The following HLCS variants were observed in gnomAD, a reference collection of about 807,000 sequenced individuals.
HLCS encodes holocarboxylase synthetase, also known as biotin--protein ligase.
In HLCS, 53 loss-of-function variants were observed where a neutral mutation model predicts 75.0. The ratio of observed to expected loss-of-function variants is 0.71; its 90% CI spans 0.57 to 0.89. The LOEUF (loss-of-function observed/expected upper bound fraction) is 0.89. Ranked by LOEUF, HLCS falls within the 40% of genes least tolerant of loss-of-function variation. The pLI is 0.00. For synonymous variants in HLCS, 431 were observed against 428.6 expected, an observed-to-expected ratio of 1.01 and a Z score of -0.07; for missense variants, 966 against 1,074.0, an observed-to-expected ratio of 0.90 and a Z score of 1.41.
chr21:36,845,701 A>G (rs1368324519), intron 6 of HLCS, among the ~76,000 whole-genome samples: 1 of 152,186 alleles, frequency 6.6e-6, no homozygotes. Context: ...GTCCAGCTCA[A>G]CATTACTAGG....
At chr21:36,768,132 C>T (rs768885591) in intron 6 of HLCS, among the ~76,000 whole-genome samples, 3 of 152,220 alleles carry the variant, frequency 2.0e-5, no homozygotes, top group South Asian at 4.1e-4. Flanking sequence ...TGCGCAGGCG[C>T]GGTTCGAGGT....
At chr21:36,883,499 A>ATGTTAAG (rs2064317542) in intron 6 of HLCS, among the ~76,000 whole-genome samples, 1 of 152,218 alleles carries the variant, frequency 6.6e-6, no homozygotes, top group Non-Finnish European at 1.5e-5. Context: ...CATGAACACT[A>ATGTTAAG]ACGTCTAAGA....
At chr21:36,954,064 G>C (rs945302599) in intron 2 of HLCS, among the ~76,000 whole-genome samples, 21 of 152,164 alleles carry the variant, frequency 1.4e-4, no homozygotes, top group African/African-American at 4.8e-4. Context: ...CCAGCACTTT[G>C]GGAGGCCGAG....
chr21:36,816,551 A>G (rs559399292), intron 6 of HLCS, among the ~76,000 whole-genome samples: 1 of 152,270 alleles, frequency 6.6e-6, no homozygotes, highest in East Asian at 1.9e-4. Flanking sequence ...GAAGCTCTGA[A>G]TTGCTCAGTG....
chr21:36,876,921 A>G (rs923610746), intron 6 of HLCS, among the ~76,000 whole-genome samples: 13 of 152,174 alleles, frequency 8.5e-5, no homozygotes, highest in African/African-American at 3.1e-4. Flanking sequence ...CATATACTTT[A>G]AAGCTCTGTT....
intron 2 of HLCS, chr21:36,948,056 C>T: frequency 1.2e-6 from 1 of 805,746 alleles, no homozygotes; most frequent in Non-Finnish European, 1.5e-6. Flanking sequence ...CTTTGGGAGG[C>T]CGAGACAGGT....
intron 6 of HLCS, among the ~76,000 whole-genome samples, chr21:36,886,122 T>C (rs2064445829): frequency 6.6e-6 from 1 of 151,782 alleles, no homozygotes; most frequent in South Asian, 2.1e-4. Context: ...CTGCCACCAT[T>C]GAGAACATTC....
intron 4 of HLCS, among the ~76,000 whole-genome samples, chr21:36,931,901 T>A (rs534568966): frequency 3.0e-4 from 46 of 152,328 alleles, no homozygotes; most frequent in Non-Finnish European, 4.4e-4. Context: ...GTCCGTACGC[T>A]CTCCCCATGT....
chr21:36,883,601 T>A (rs1005756487), intron 6 of HLCS, among the ~76,000 whole-genome samples: 5 of 152,224 alleles, frequency 3.3e-5, no homozygotes, highest in African/African-American at 7.2e-5. Flanking sequence ...TCTTACTGCA[T>A]CAGAATCTTG....
At chr21:36,973,227 C>CTTTTT (rs11327894) in intron 1 of HLCS, among the ~76,000 whole-genome samples, 4 of 91,070 alleles carry the variant, frequency 4.4e-5, no homozygotes, top group South Asian at 4.5e-4. Context: ...AAGACCCTGT[C>CTTTTT]TTTTTTTTTT....
chr21:36,952,621 G>A (rs993035040), intron 2 of HLCS, among the ~76,000 whole-genome samples: 12 of 151,908 alleles, frequency 7.9e-5, no homozygotes, highest in African/African-American at 1.9e-4. Context: ...GTGAAACTCC[G>A]TCTCTACTAA....
At chr21:36,890,783 A>T (rs963929880) in intron 6 of HLCS, among the ~76,000 whole-genome samples, 2 of 152,162 alleles carry the variant, frequency 1.3e-5, no homozygotes, top group Non-Finnish European at 2.9e-5. Context: ...AAATTCCTCT[A>T]ATTACCTTGA....
At chr21:36,925,777 T>A (rs898447620) in intron 5 of HLCS, among the ~76,000 whole-genome samples, 13 of 152,094 alleles carry the variant, frequency 8.5e-5, no homozygotes, top group Non-Finnish European at 1.6e-4. Context: ...CTGGCAGAGA[T>A]AAAAAGGAAA....
intron 6 of HLCS, among the ~76,000 whole-genome samples, chr21:36,860,321 C>CCCCCTCCAGGAAGTCACA (rs2063340346): frequency 1.7e-5 from 2 of 120,290 alleles, no homozygotes; most frequent in Non-Finnish European, 3.7e-5. Context: ...CAAAGCCATG[C>CCCCCTCCAGGAAGTCACA]CCCCTCCAGG....
intron 5 of HLCS, among the ~76,000 whole-genome samples, chr21:36,920,383 C>A (rs1485848547): frequency 6.7e-6 from 1 of 149,462 alleles, no homozygotes; most frequent in Non-Finnish European, 1.5e-5. Flanking sequence ...GAAGGTGGGG[C>A]AGAGATGGGA....
chr21:36,887,933 C>T (rs1441549252), intron 6 of HLCS, among the ~76,000 whole-genome samples: 1 of 152,216 alleles, frequency 6.6e-6, no homozygotes, highest in Non-Finnish European at 1.5e-5. Context: ...ATCTGGAAAG[C>T]TAATGAATAA....
Position 36,756,274 on chromosome 21 carries a change from T to TTA in HLCS, c.2450+267_2450+268insTA, listed in dbSNP as rs373220213. ...TAACACGGTGAAACCCCACCTCCAC[T>TTA]AAAAATACAAAAAATTAGCCGGGTG... On this transcript the variant is annotated intron_variant, in intron 10 of 10. Coordinates refer to ENST00000674895, the MANE Select transcript of HLCS (RefSeq NM_001352514.2). 0.011 allele frequency among the ~76,000 whole-genome samples: 1,659 copies of TTA among 151,422 alleles called. 28 individuals are homozygous for TTA. The highest frequency in any genetic ancestry group is 0.038 in the African/African-American group (1,555 of 41,254).
intron 6 of HLCS, among the ~76,000 whole-genome samples, chr21:36,823,610 G>GGTTGTGTGTGT (rs1555901720): frequency 4.5e-5 from 6 of 132,724 alleles, no homozygotes; most frequent in African/African-American, 1.7e-4. Flanking sequence ...AAACGTGCAG[G>GGTTGTGTGTGT]GTGTGTGTGT....
At chr21:36,902,067 G>A (rs892468102) in intron 5 of HLCS, among the ~76,000 whole-genome samples, 2 of 152,166 alleles carry the variant, frequency 1.3e-5, no homozygotes, top group Non-Finnish European at 1.5e-5. Context: ...AGAAGTCACC[G>A]CTGGCCTTGG....
Sources: allele counts gnomAD v4.1 joint callset (sites outside exome capture counted in the v4.1 genomes callset), GRCh38; gene constraint gnomAD v4.1.1; transcripts MANE v1.5; gene names NCBI Gene and HGNC (gene_info 2026-07-23, HGNC 2026-07-21).